Variants in SF3B1 observed in about 807,000 individuals in gnomAD.
The protein encoded by SF3B1 is splicing factor 3b subunit 1, also known as pre-mRNA processing 10.
A neutral mutation model predicts 153.8 loss-of-function variants in SF3B1; 12 were observed. That is an observed-to-expected ratio of 0.08 (90% CI 0.05 to 0.13). The LOEUF (loss-of-function observed/expected upper bound fraction) is 0.13, where lower values mean the gene tolerates loss of function less well. Among genes scored for constraint, SF3B1 ranks in the 10% least tolerant of loss-of-function variants. The probability of loss-of-function intolerance (pLI) is 1.00; values close to 1 mark genes in which losing one functional copy is unlikely to be tolerated. For missense variants in SF3B1, 513 were observed against 1,606.1 expected, an observed-to-expected ratio of 0.32 and a Z score of 11.63; for synonymous variants, 498 against 525.2, an observed-to-expected ratio of 0.95 and a Z score of 0.71.
At chr2:197,407,066 C>T (rs1034794258) in intron 9 of SF3B1, among the ~76,000 whole-genome samples, 1 of 152,056 alleles carries the variant, frequency 6.6e-6, no homozygotes, top group Non-Finnish European at 1.5e-5. Flanking sequence ...CCAGTACGGG[C>T]AACACAGTGA....
rs747441097 is a variant in SF3B1, at chr2:197,393,230, T to A, written c.3540-42A>T. The A allele has an allele frequency of 5.3e-6, 7 of 1,316,978 alleles. No individual in the cohort carries two copies. In the South Asian group the frequency reaches 8.3e-5, roughly 16 times the overall value. The allele number at this position is 1,316,978 out of a possible 1,614,324, so 81.6% of individuals were successfully genotyped here. ...AAAAGTCCTTTAAGATGCGGTCTTA[T>A]AAGAAAGGGGGAAAAATCCTTAAAG... On this transcript the variant is annotated intron_variant, in intron 23 of 24. Transcript: ENST00000335508.
At chr2:197,404,965 T>C (rs902945975) in intron 11 of SF3B1, 111 bp downstream of exon 11, 6 of 712,744 alleles carry the variant, frequency 8.4e-6, no homozygotes, top group African/African-American at 7.2e-5. Flanking sequence ...GGAGGATCAC[T>C]TGAGACCAGC....
chr2:197,400,640 A>C lies in SF3B1; in HGVS notation c.2718+75T>G, dbSNP rs2084928620. On this transcript the variant is annotated intron_variant, in intron 18 of 24. Coordinates refer to ENST00000335508, the MANE Select transcript of SF3B1 (RefSeq NM_012433.4). This position sits in a 1 kb window ranked among gnomAD's most constrained non-coding sequence, Gnocchi z 5.0. Reference sequence around the variant, plus strand: ...TTCAAATTCAATTGCATTCTAGAAAAATTTGCTTGACAACTAATATGCTTT... The same window carrying C: ...TTCAAATTCAATTGCATTCTAGAAACATTTGCTTGACAACTAATATGCTTT... 9 of 1,223,018 alleles carry C rather than the reference A, an allele frequency of 7.4e-6. No individual in the cohort carries two copies. The highest frequency in any genetic ancestry group is 1.0e-5 in the Non-Finnish European group (9 of 866,808). The allele number at this position is 1,223,018 out of a possible 1,614,324, so 75.8% of individuals were successfully genotyped here.
chr2:197,409,267 C>A (rs1224303397), intron 7 of SF3B1, among the ~76,000 whole-genome samples: 9 of 151,844 alleles, frequency 5.9e-5, no homozygotes, highest in Admixed American at 5.9e-4. Flanking sequence ...GGCTTGGTGG[C>A]GCATGCCTGT....
In SF3B1 at chr2:197,424,511, C is replaced by A. The variant is rs1164443054; in HGVS notation, c.29-537G>T. 1.1e-4 allele frequency among the ~76,000 whole-genome samples: 17 copies of A among 148,376 alleles called. No individual in the cohort carries two copies. The East Asian group carries it at 2.8e-3, about 24-fold the overall frequency. On this transcript the variant is annotated intron_variant, in intron 1 of 24. Coordinates refer to ENST00000335508, the MANE Select transcript of SF3B1 (RefSeq NM_012433.4). ...TATCTCTCAAAAAAAAAAAAAAAAA[C>A]CGTGACAAAATATCATCTAACAAAC...
intron 1 of SF3B1, among the ~76,000 whole-genome samples, chr2:197,434,648 T>A (rs1214351847): frequency 6.6e-6 from 1 of 152,120 alleles, no homozygotes; most frequent in African/African-American, 2.4e-5. Flanking sequence ...TGAGACCTTC[T>A]CCCCACGCCC....
intron 5 of SF3B1, among the ~76,000 whole-genome samples, 174 bp from the exon 6 acceptor site, chr2:197,417,085 TTTTACATAATGCC>T (rs2085158838): frequency 6.6e-6 from 1 of 152,184 alleles, no homozygotes; most frequent in Non-Finnish European, 1.5e-5. Flanking sequence ...CTTTATTTCG[TTTTACATAATGCC>T]TTTCTAAACA....
rs752109835 is a variant in SF3B1 at position 197,402,519 on chromosome 2, GAAAAA to G, written c.2077+32_2077+36del. ...ACATAGTAAGACCCTGTCTCCTAAAGAAAAAAAAAAAAAGACAAAGTTACATTACA... is the reference window on the plus strand; with the variant it reads ...ACATAGTAAGACCCTGTCTCCTAAAGAAAAAAAAGACAAAGTTACATTACA... On this transcript the variant is annotated intron_variant, in intron 14 of 24. Coordinates refer to ENST00000335508, the MANE Select transcript of SF3B1 (RefSeq NM_012433.4). The surrounding 1 kb of genome is among the most constrained non-coding windows in gnomAD (Gnocchi z 4.6). 6 of 1,283,816 alleles carry G rather than the reference GAAAAA, an allele frequency of 4.7e-6. No homozygotes were observed. Among genetic ancestry groups the G allele is most frequent in the Non-Finnish European group, 1.1e-6 (1 of 935,900 alleles). 79.5% of individuals were successfully genotyped at this position (1,283,816 alleles called of 1,614,324 possible). A position where few individuals can be genotyped will look rare whatever the true frequency, so the allele number is the denominator to read the frequency against.
At chr2:197,403,807 C>G (rs2084959818) in intron 11 of SF3B1, 43 bp from the exon 12 acceptor site, 9 of 1,452,100 alleles carry the variant, frequency 6.2e-6, no homozygotes, top group Non-Finnish European at 7.4e-6. Context: ...TCTTTATAAT[C>G]AAACATTTTG....
intron 2 of SF3B1, among the ~76,000 whole-genome samples, chr2:197,421,497 A>T (rs2085242083): frequency 6.6e-6 from 1 of 152,124 alleles, no homozygotes; most frequent in South Asian, 2.1e-4. Context: ...TCTTTTTTTA[A>T]CTCATGTTTT....
chr2:197,431,745 TA>T (rs900042613), intron 1 of SF3B1, among the ~76,000 whole-genome samples: 1 of 152,090 alleles, frequency 6.6e-6, no homozygotes, highest in Admixed American at 6.5e-5. Flanking sequence ...AAAACTCCAA[TA>T]GGACAACTAA....
chr2:197,392,364 G>A lies in SF3B1; in HGVS notation c.3854C>T (p.Pro1285Leu), dbSNP rs2105973595. 6.3e-7 allele frequency: 1 copy of A among 1,580,684 alleles called. No individual in the cohort carries two copies. The highest frequency in any genetic ancestry group is 1.1e-5 in the South Asian group (1 of 90,304). ...GSQDALIAHY[P>L]RIYNDDKNTY... ...GTTCTTATCATCGTTGTAGATTCTT[G>A]GGTAATGTGCTATGAGAGCGTCCTG... is the stretch of plus-strand genomic sequence containing the variant. Residue 1285 changes from proline to leucine, a missense_variant, in exon 25 of 25, where the codon CCA becomes CTA. Pro to Leu is a moderately conservative substitution (Grantham distance 98, BLOSUM62 -3). Around this residue, in one of 21 missense-constraint regions of SF3B1, gnomAD observed 33 missense variants for 43.5 expected, o/e 0.76. Transcript: ENST00000335508.
intron 7 of SF3B1, chr2:197,408,797 C>T: frequency 3.8e-6 from 2 of 525,090 alleles, no homozygotes; most frequent in Non-Finnish European, 6.8e-6. Context: ...GTGGTGGGCG[C>T]TTGTAATCCC....
rs764173494 is a variant in SF3B1 at position 197,398,415 on chromosome 2, T to C, written c.3134+46A>G. On this transcript the variant is annotated intron_variant, in intron 21 of 24. Transcript: ENST00000335508. ...CTAATTGAATACAAAGTGGCCAAAT[T>C]TGAAAATTGATACTGCTTATAAAAA... 28 of 1,607,498 alleles carry C rather than the reference T, an allele frequency of 1.7e-5. No homozygotes were observed. The Admixed American group carries it at 4.6e-4, about 27-fold the overall frequency.
chr2:197,393,071 T>C lies in SF3B1; in HGVS notation c.3657A>G (p.Val1219=), dbSNP rs4685. The C allele has an allele frequency of 0.68, 1,094,196 of 1,611,676 alleles. 375,213 individuals carry two copies. Among genetic ancestry groups the C allele is most frequent in the Middle Eastern group, 0.86 (5,190 of 6,058 alleles). Reference sequence around the variant, plus strand: ...GAATTACATGAGGAGATGTCTCAAATACATTGGGCCATACATAGTTCAACA... The same window carrying C: ...GAATTACATGAGGAGATGTCTCAAACACATTGGGCCATACATAGTTCAACA... ...NHLLNYVWPN[V]FETSPHVIQA... Residue 1219 remains valine (V), a synonymous_variant, in exon 24 of 25, where the codon GTA becomes GTG. Transcript: ENST00000335508.
chr2:197,393,089 G>A lies in SF3B1; in HGVS notation c.3639C>T (p.Asn1213=), dbSNP rs2084831492. Residue 1213 remains asparagine, a synonymous_variant, in exon 24 of 25, where the codon AAC becomes AAT. Transcript: ENST00000335508. ...TCTCAAATACATTGGGCCATACATA[G>A]TTCAACAAGTGATTCAGCGAATCTT... ...GCEDSLNHLL[N]YVWPNVFETS... 1 of 1,613,420 alleles carries A rather than the reference G, an allele frequency of 6.2e-7. No individual in the cohort carries two copies.
chr2:197,410,187 G>A (rs567499532), intron 6 of SF3B1, among the ~76,000 whole-genome samples, 180 bp from the exon 7 acceptor site: 2 of 152,184 alleles, frequency 1.3e-5, no homozygotes, highest in Admixed American at 6.5e-5. Flanking sequence ...AAATGTTTAT[G>A]ATTAAAAACA....
intron 20 of SF3B1, among the ~76,000 whole-genome samples, chr2:197,399,808 A>G (rs1308486528): frequency 1.3e-5 from 2 of 152,120 alleles, no homozygotes; most frequent in African/African-American, 2.4e-5. Flanking sequence ...AAGCTTTTTG[A>G]GCTGTGACTA....
intron 1 of SF3B1, among the ~76,000 whole-genome samples, chr2:197,429,144 C>A (rs2085385269): frequency 6.6e-6 from 1 of 152,130 alleles, no homozygotes; most frequent in South Asian, 2.1e-4. Flanking sequence ...CAGCCTAATC[C>A]CTTCCCAGTT....
Sources: gnomAD v4.1 joint callset for allele counts (sites outside exome capture counted in the v4.1 genomes callset) on GRCh38, gnomAD v4.1.1 for gene constraint, gnomAD v4.1.1 regional missense constraint, Gnocchi (gnomAD v3.1) non-coding constraint, MANE v1.5 for transcripts, NCBI Gene and HGNC (gene_info 2026-07-23, HGNC 2026-07-21) for gene names.